The following CDK5RAP2 variants were observed in gnomAD, a reference collection of about 807,000 sequenced individuals.
CDK5RAP2 encodes the protein CDK5 regulatory subunit-associated protein 2.
Under a neutral mutation model 232.9 loss-of-function variants are expected in CDK5RAP2, and 147 were observed. That is an observed-to-expected ratio of 0.63 (90% CI 0.55 to 0.72). CDK5RAP2 has a LOEUF of 0.72. Among genes scored for constraint, CDK5RAP2 ranks in the 30% least tolerant of loss-of-function variants. The pLI is 0.00. For synonymous variants in CDK5RAP2, 833 were observed against 833.7 expected, an observed-to-expected ratio of 1.00 and a Z score of 0.01; for missense variants, 2,195 against 2,231.5, an observed-to-expected ratio of 0.98 and a Z score of 0.33.
At position 120,471,757 on chromosome 9, in the gene CDK5RAP2, T is replaced by C. The variant is rs202165515; in HGVS notation, c.1849A>G (p.Arg617Gly). ...AGAATAAAGTGTGTACCTTCCCGCC[T>C]CCGAATTTCGCTGATCTGCTCCTCC... is the stretch of plus-strand genomic sequence containing the variant. ...TLEEQISEIR[R>G]REEESFSLYS... is the part of the protein sequence containing the mutation. The change falls in exon 16 of 38, where the codon AGG (arginine) becomes GGG (glycine). Residue 617 changes from arginine to glycine, a missense_variant. Physicochemically the swap from Arg to Gly is moderately radical, Grantham distance 125. Transcript: ENST00000349780. 5.6e-6 allele frequency: 9 copies of C among 1,614,138 alleles called. No individual in the cohort carries two copies. The Admixed American group carries it at 1.2e-4, about 21-fold the overall frequency.
At chr9:120,489,047 G>A (rs1430606019) in intron 13 of CDK5RAP2, among the ~76,000 whole-genome samples, 2 of 152,240 alleles carry the variant, frequency 1.3e-5, no homozygotes, top group Non-Finnish European at 2.9e-5. Context: ...GGAGGCAAAT[G>A]ACTGTAGGCA....
chr9:120,492,096 G>GAA (rs577853066), intron 12 of CDK5RAP2, among the ~76,000 whole-genome samples: 2 of 147,944 alleles, frequency 1.4e-5, no homozygotes, highest in Non-Finnish European at 3.0e-5. Flanking sequence ...ACAGAAAAAG[G>GAA]AAAAAAAAAC....
In CDK5RAP2 at chr9:120,580,039, G is replaced by C; in HGVS notation, c.-61C>G. On this transcript the variant is annotated 5_prime_UTR_variant, in exon 1 of 38. It adds an upstream start codon to the 5' untranslated region. Transcript: ENST00000349780. ...CGGCGGCGCCACTAGTACCCCCCGC[G>C]ATAGCGACCCGCCGGGCTCCCCAGG... is the stretch of plus-strand genomic sequence containing the variant. The C allele has an allele frequency of 8.9e-7, 1 of 1,123,800 alleles. No homozygotes were observed. The highest frequency in any genetic ancestry group is 1.3e-6 in the Non-Finnish European group (1 of 748,362). The allele number at this position is 1,123,800 out of a possible 1,614,324, so 69.6% of individuals were successfully genotyped here.
intron 2 of CDK5RAP2, among the ~76,000 whole-genome samples, chr9:120,570,852 T>C (rs976443043): frequency 1.3e-5 from 2 of 151,796 alleles, no homozygotes; most frequent in Admixed American, 1.3e-4. Context: ...TCAGACTTGT[T>C]GGATTTTGCA....
chr9:120,400,614 C>T lies in CDK5RAP2; in HGVS notation c.5451+128G>A, dbSNP rs563168603. ...ACAGTGAAGCCATGGCAAACGGTGC[C>T]ATCTCCTCCCTAATACATACCCCAA... On this transcript the variant is annotated intron_variant, in intron 35 of 37. Transcript: ENST00000349780. 62 of 1,121,964 alleles carry T rather than the reference C, an allele frequency of 5.5e-5. No homozygotes were observed. The Admixed American group carries it at 9.2e-4, about 17-fold the overall frequency. 69.5% of individuals were successfully genotyped at this position (1,121,964 alleles called of 1,614,324 possible). A position where few individuals can be genotyped will look rare whatever the true frequency, so the allele number is the denominator to read the frequency against.
rs2033208460 is a variant in CDK5RAP2, at chr9:120,403,442, G to A, written c.5042-371C>T. On this transcript the variant is annotated intron_variant, in intron 33 of 37. Transcript: ENST00000349780. The surrounding 1 kb of genome is among the most constrained non-coding windows in gnomAD (Gnocchi z 4.2). Reference sequence around the variant, plus strand: ...GCAGAGTGATGAAGGGCCAGAGCCAGAAAAAACAATTATCTGTGCAGGGAG... The same window carrying A: ...GCAGAGTGATGAAGGGCCAGAGCCAAAAAAAACAATTATCTGTGCAGGGAG... The A allele has an allele frequency of 3.2e-6, 1 of 314,590 alleles. No homozygotes were observed. Among genetic ancestry groups the A allele is most frequent in the South Asian group, 3.4e-5 (1 of 29,240 alleles). 19.5% of individuals were successfully genotyped at this position (314,590 alleles called of 1,614,324 possible). A position where few individuals can be genotyped will look rare whatever the true frequency, so the allele number is the denominator to read the frequency against.
intron 14 of CDK5RAP2, among the ~76,000 whole-genome samples, chr9:120,481,217 G>A (rs1365065376): frequency 6.6e-6 from 1 of 152,202 alleles, no homozygotes; most frequent in African/African-American, 2.4e-5. Flanking sequence ...GGATGGTGAG[G>A]CCAGGTGTGG....
intron 37 of CDK5RAP2, 147 bp from the exon 38 acceptor site, chr9:120,389,439 C>A: frequency 2.8e-6 from 2 of 716,304 alleles, no homozygotes; most frequent in Non-Finnish European, 5.0e-6. Context: ...TAATAAACAA[C>A]GATGAGATCA....
At chr9:120,535,691 T>G (rs1383296902) in intron 7 of CDK5RAP2, among the ~76,000 whole-genome samples, 1 of 152,168 alleles carries the variant, frequency 6.6e-6, no homozygotes, top group African/African-American at 2.4e-5. Context: ...CTGACAAGTT[T>G]TTACCAAAAA....
Position 120,403,032 on chromosome 9 carries a change from G to A in CDK5RAP2, c.5081C>T (p.Ser1694Phe). The change falls in exon 34 of 38, where the codon TCC becomes TTC. Residue 1694 changes from serine to phenylalanine, a missense_variant. By Grantham distance (155) the Ser-to-Phe change is radical. Transcript: ENST00000349780. This position sits in a 1 kb window ranked among gnomAD's most constrained non-coding sequence, Gnocchi z 4.2. ...CGAACTGCCACTGTCGCAGGAGAGGGAGTCCGTGTCATTCCCAGAGAGTGG... is the reference window on the plus strand; with the variant it reads ...CGAACTGCCACTGTCGCAGGAGAGGAAGTCCGTGTCATTCCCAGAGAGTGG... ...TPPLSGNDTD[S>F]LSCDSGSSAT... 1 of 1,614,184 alleles carries A rather than the reference G, an allele frequency of 6.2e-7. No homozygotes were observed. Among genetic ancestry groups the A allele is most frequent in the East Asian group, 2.2e-5 (1 of 44,886 alleles).
intron 12 of CDK5RAP2, among the ~76,000 whole-genome samples, chr9:120,495,099 G>A (rs2039118562): frequency 2.0e-5 from 1 of 49,782 alleles, no homozygotes; most frequent in South Asian, 6.8e-4. Context: ...GGGGCCCGAG[G>A]GCAAGGAGCA....
Position 120,572,057 on chromosome 9 carries a change from T to A in CDK5RAP2, c.60-16A>T. The stretch of plus-strand genomic sequence containing the variant: ...AACAAGGCCACTAGGAGAGAACACA[T>A]GAGATAAGAGATGAGCTAATGTTTG... On this transcript the variant is annotated splice_polypyrimidine_tract_variant and intron_variant, in intron 1 of 37. Coordinates refer to ENST00000349780, the MANE Select transcript of CDK5RAP2 (RefSeq NM_018249.6). 2 of 1,586,262 alleles carry A rather than the reference T, an allele frequency of 1.3e-6. No individual in the cohort carries two copies. Among genetic ancestry groups the A allele is most frequent in the Non-Finnish European group, 1.7e-6 (2 of 1,155,176 alleles).
chr9:120,555,308 T>C (rs1327750523), intron 3 of CDK5RAP2, among the ~76,000 whole-genome samples: 3 of 151,414 alleles, frequency 2.0e-5, no homozygotes, highest in Admixed American at 6.6e-5. Context: ...AGTTTTTGTA[T>C]TTTTTTTTAA....
At position 120,453,697 on chromosome 9, in the gene CDK5RAP2, A is replaced by C. The variant is rs867997474; in HGVS notation, c.2552T>G (p.Leu851Trp). ...SFSKPHDELK[L>W]SCEAQLVKAG... The stretch of plus-strand genomic sequence containing the variant: ...CTTTACTAGCTGGGCCTCACAAGAC[A>C]ACTTCAGTTCATCATGTGGCTTGGA... Residue 851 changes from leucine (L) to tryptophan (W), a missense_variant, in exon 21 of 38, where the codon TTG becomes TGG. Physicochemically the swap from Leu to Trp is moderately conservative, Grantham distance 61. Coordinates refer to ENST00000349780, the MANE Select transcript of CDK5RAP2 (RefSeq NM_018249.6). The C allele has an allele frequency of 6.2e-7, 1 of 1,614,216 alleles. No homozygotes were observed. Among genetic ancestry groups the C allele is most frequent in the African/African-American group, 1.3e-5 (1 of 75,056 alleles).
chr9:120,401,209 G>T (rs934337493), intron 34 of CDK5RAP2, among the ~76,000 whole-genome samples: 1 of 152,104 alleles, frequency 6.6e-6, no homozygotes, highest in African/African-American at 2.4e-5. Flanking sequence ...GACCCACAGA[G>T]ACTCGCCCAG....
chr9:120,456,302 C>T (rs1445924975), intron 20 of CDK5RAP2, among the ~76,000 whole-genome samples: 1 of 152,208 alleles, frequency 6.6e-6, no homozygotes, highest in East Asian at 1.9e-4. Context: ...GTTTCTACTA[C>T]CTGCTCTATT....
At chr9:120,410,029 GT>G (rs1329333856) in intron 29 of CDK5RAP2, among the ~76,000 whole-genome samples, 2 of 152,278 alleles carry the variant, frequency 1.3e-5, no homozygotes, top group African/African-American at 4.8e-5. Flanking sequence ...GGTGGTAACA[GT>G]TGACCTGCAC....
chr9:120,450,781 A>G (rs1588370481), intron 21 of CDK5RAP2, among the ~76,000 whole-genome samples: 1 of 152,348 alleles, frequency 6.6e-6, no homozygotes, highest in Non-Finnish European at 1.5e-5. Flanking sequence ...TGAAGAACCG[A>G]GATGTCAAAC....
At chr9:120,421,241 G>T (rs1297053566) in intron 26 of CDK5RAP2, among the ~76,000 whole-genome samples, 2 of 152,108 alleles carry the variant, frequency 1.3e-5, no homozygotes, top group African/African-American at 4.8e-5. Context: ...TCTCCTGACA[G>T]CCCCCAGCCC....
Sources: gnomAD v4.1 joint callset for allele counts (sites outside exome capture counted in the v4.1 genomes callset) on GRCh38, gnomAD v4.1.1 for gene constraint, Gnocchi (gnomAD v3.1) non-coding constraint, MANE v1.5 for transcripts, NCBI Gene and HGNC (gene_info 2026-07-23, HGNC 2026-07-21) for gene names.